The following HERC5 variants were observed in gnomAD, a reference collection of about 807,000 sequenced individuals.
HERC5 encodes E3 ISG15--protein ligase HERC5.
HERC5 carries 99 observed loss-of-function variants against 119.6 expected under a neutral mutation model. The ratio of observed to expected loss-of-function variants is 0.83; its 90% CI spans 0.70 to 0.98. HERC5 has a LOEUF of 0.98. Ranked by LOEUF, HERC5 falls within the 50% of genes least tolerant of loss-of-function variation. HERC5 has a pLI of 0.00. For synonymous variants in HERC5, 478 were observed against 445.9 expected, an observed-to-expected ratio of 1.07 and a Z score of -0.91; for missense variants, 1,267 against 1,241.3, an observed-to-expected ratio of 1.02 and a Z score of -0.31.
intron 22 of HERC5, 131 bp from the exon 23 acceptor site, chr4:88,505,542 A>G (rs935237159): frequency 1.6e-5 from 10 of 624,540 alleles, no homozygotes; most frequent in Non-Finnish European, 2.0e-5. Context: ...TACAATCCCC[A>G]ATGCACTGTC....
rs561146288 is a variant in HERC5, at chr4:88,503,827, G to A, written c.2583-405G>A. Among the ~76,000 whole-genome samples, 172 of 152,312 alleles carry A rather than the reference G, an allele frequency of 1.1e-3. 2 individuals are homozygous for A. The highest frequency in any genetic ancestry group is 5.6e-3 in the South Asian group (27 of 4,816). On this transcript the variant is annotated intron_variant, in intron 20 of 22. Transcript: ENST00000264350. ...AACGTCTGTAATCCCAGCACTTTGGGAGGCCGAGGCAGGCAAATCACAAGG... is the reference window on the plus strand; with the variant it reads ...AACGTCTGTAATCCCAGCACTTTGGAAGGCCGAGGCAGGCAAATCACAAGG...
rs538344469 is a variant in HERC5 at position 88,465,461 on chromosome 4, G to A, written c.911+1476G>A. On this transcript the variant is annotated intron_variant, in intron 6 of 22. Coordinates refer to ENST00000264350, the MANE Select transcript of HERC5 (RefSeq NM_016323.4). ...TGTAGGCATATTTTCTTATGATCTT[G>A]GAGTAGAATTACATAAATGGGTAAT... Among the ~76,000 whole-genome samples the A allele has an allele frequency of 2.6e-5, 4 of 152,240 alleles. No homozygotes were observed. The South Asian group carries it at 8.3e-4, about 32-fold the overall frequency.
At chr4:88,477,977 A>T (rs1278878951) in intron 12 of HERC5, among the ~76,000 whole-genome samples, 1 of 152,250 alleles carries the variant, frequency 6.6e-6, no homozygotes, top group South Asian at 2.1e-4. Flanking sequence ...TTAACACATT[A>T]TACTATTTCA....
chr4:88,464,055 T>A, intron 6 of HERC5, 70 bp downstream of exon 6: 1 of 1,332,724 alleles, frequency 7.5e-7, no homozygotes, highest in Non-Finnish European at 1.0e-6. Context: ...TTAATAAAAT[T>A]TCTTTCAGTT....
intron 2 of HERC5, 132 bp from the exon 3 acceptor site, chr4:88,459,963 A>G (rs1740359775): frequency 3.6e-6 from 2 of 548,782 alleles, no homozygotes; most frequent in African/African-American, 4.0e-5. Flanking sequence ...TTTTAGATGT[A>G]CTGAATGTGA....
intron 10 of HERC5, 129 bp downstream of exon 10, chr4:88,470,802 A>G (rs1004845877): frequency 1.1e-5 from 5 of 448,662 alleles, no homozygotes; most frequent in Non-Finnish European, 2.0e-5. Flanking sequence ...AACAAAAGTA[A>G]ATATATGTTT....
chr4:88,489,251 T>C lies in HERC5; in HGVS notation c.2048T>C (p.Leu683Pro), dbSNP rs1485519434. The change falls in exon 16 of 23, where the codon CTA becomes CCA. Residue 683 changes from leucine to proline, a missense_variant. By Grantham distance (98) the Leu-to-Pro change is moderately conservative (BLOSUM62 -3). Coordinates refer to ENST00000264350, the MANE Select transcript of HERC5 (RefSeq NM_016323.4). ...TTCGCTTTGAGGCCCACGTTTGATC[T>C]AACAGTCAGAAGGAATCACTTGATT... ...SEFALRPTFD[L>P]TVRRNHLIED... 5 of 1,613,984 alleles carry C rather than the reference T, an allele frequency of 3.1e-6. No homozygotes were observed. The highest frequency in any genetic ancestry group is 3.4e-6 in the Non-Finnish European group (4 of 1,179,854).
In HERC5 at chr4:88,482,021, G is replaced by A. The variant is rs1380298993; in HGVS notation, c.1737+2514G>A. ...TCTTAAAATTCTACATTGAAAAATG[G>A]TGGCTTGCTGGGTGTGGTGGCTCAT... On this transcript the variant is annotated intron_variant, in intron 13 of 22. Coordinates refer to ENST00000264350, the MANE Select transcript of HERC5 (RefSeq NM_016323.4). 4.6e-5 allele frequency among the ~76,000 whole-genome samples: 7 copies of A among 152,222 alleles called. No homozygotes were observed. In the South Asian group the frequency reaches 1.5e-3, roughly 32 times the overall value.
rs772867587 is a variant in HERC5, at chr4:88,489,347, A to G, written c.2133+11A>G. On this transcript the variant is annotated intron_variant, in intron 16 of 22. Transcript: ENST00000264350. ...AGGAAAGAGTTATGGGTAAGGTGTA[A>G]TTCTCACTTAATGTTTTTGCTGCTG... is the stretch of plus-strand genomic sequence containing the variant. The G allele has an allele frequency of 1.9e-6, 3 of 1,589,904 alleles. No individual in the cohort carries two copies. The highest frequency in any genetic ancestry group is 1.8e-5 in the Admixed American group (1 of 54,718).
Position 88,487,034 on chromosome 4 carries a change from T to C in HERC5, c.1852-35T>C, listed in dbSNP as rs201347076. On this transcript the variant is annotated intron_variant, in intron 14 of 22. Transcript: ENST00000264350. ...TAAAGTGTAAGGTTTCTCTGTCCTT[T>C]AACTTATCAGAATTATTGTCATTTC... 85 of 1,445,338 alleles carry C rather than the reference T, an allele frequency of 5.9e-5. No homozygotes were observed. The African/African-American group carries it at 1.0e-3, about 18-fold the overall frequency. 89.5% of individuals were successfully genotyped at this position (1,445,338 alleles called of 1,614,324 possible).
intron 13 of HERC5, among the ~76,000 whole-genome samples, chr4:88,482,144 T>C (rs1741299442): frequency 6.6e-6 from 1 of 151,772 alleles, no homozygotes; most frequent in South Asian, 2.1e-4. Flanking sequence ...ACCTCGTCTC[T>C]ACTAAAAATA....
chr4:88,501,069 A>G (rs1213998928), intron 20 of HERC5, 84 bp downstream of exon 20: 1 of 871,916 alleles, frequency 1.1e-6, no homozygotes, highest in South Asian at 1.7e-5. Flanking sequence ...TAGCTCTTTA[A>G]TTTTTCATTC....
At chr4:88,493,263 A>G in intron 17 of HERC5, 108 bp downstream of exon 17, 1 of 924,108 alleles carries the variant, frequency 1.1e-6, no homozygotes, top group South Asian at 2.0e-5. Flanking sequence ...AGGAGTATTG[A>G]TATAATTATG....
intron 17 of HERC5, 65 bp from the exon 18 acceptor site, chr4:88,494,100 A>T: frequency 1.0e-6 from 1 of 956,384 alleles, no homozygotes; most frequent in Non-Finnish European, 1.5e-6. Context: ...GATTTATTTA[A>T]TATAAATATT....
intron 15 of HERC5, 101 bp from the exon 16 acceptor site, chr4:88,489,065 T>A (rs1741552627): frequency 5.8e-6 from 5 of 861,868 alleles, no homozygotes; most frequent in Non-Finnish European, 5.5e-6. Flanking sequence ...AAATGTGACC[T>A]GCACTTATAA....
Sources: gnomAD v4.1 joint callset for allele counts (sites outside exome capture counted in the v4.1 genomes callset) on GRCh38, gnomAD v4.1.1 for gene constraint, MANE v1.5 for transcripts, NCBI Gene and HGNC (gene_info 2026-07-23, HGNC 2026-07-21) for gene names.